GSE1: variants seen among roughly 807,000 people sequenced by gnomAD.
The protein encoded by GSE1 is genetic suppressor element 1.
GSE1 carries 32 observed loss-of-function variants against 112.6 expected under a neutral mutation model. The ratio of observed to expected loss-of-function variants is 0.28; its 90% CI spans 0.21 to 0.38. GSE1 has a LOEUF of 0.38. GSE1 is among the 10% of genes least tolerant of loss of function. The pLI is 1.00. For synonymous variants in GSE1, 1,115 were observed against 735.6 expected (o/e 1.52, Z -8.35); for missense variants, 2,348 against 1,699.2 (o/e 1.38, Z -6.71).
At chr16:85,212,145 C>T (rs1382500251) in intron 1 of GSE1, among the ~76,000 whole-genome samples, 1 of 152,218 alleles carries the variant, frequency 6.6e-6, no homozygotes, top group Admixed American at 6.5e-5. Flanking sequence ...GTGGCTCATG[C>T]CTGGAATCCC....
chr16:85,480,100 C>T (rs1301737770), intron 2 of GSE1, among the ~76,000 whole-genome samples: 2 of 152,322 alleles, frequency 1.3e-5, no homozygotes, highest in Non-Finnish European at 2.9e-5. Context: ...ACAACATCCT[C>T]AACGTCCTGT....
At chr16:85,354,147 C>T (rs2046903933) in intron 1 of GSE1, among the ~76,000 whole-genome samples, 1 of 152,214 alleles carries the variant, frequency 6.6e-6, no homozygotes, top group African/African-American at 2.4e-5. Context: ...CCTTCTCAAA[C>T]TCCTATAGTA....
At position 85,634,082 on chromosome 16, in the gene GSE1, G is replaced by T; in HGVS notation, c.176G>T (p.Ser59Ile). ...ALSAQAAPSSSFAAALRKLAK... is the reference protein window; with the variant it reads ...ALSAQAAPSSIFAAALRKLAK... The stretch of plus-strand genomic sequence containing the variant: ...TCGGCCCAGGCCGCGCCATCCTCCA[G>T]CTTTGCCGCCGCGCTGCGCAAGCTC... Residue 59 changes from serine to isoleucine, a missense_variant, in exon 2 of 16, where the codon AGC becomes ATC. By Grantham distance (142) the Ser-to-Ile change is moderately radical. Transcript: ENST00000253458. The T allele has an allele frequency of 1.3e-6, 2 of 1,599,956 alleles. No individual in the cohort carries two copies. The highest frequency in any genetic ancestry group is 1.7e-6 in the Non-Finnish European group (2 of 1,174,258).
chr16:85,591,121 C>T (rs957387103), intron 1 of GSE1, among the ~76,000 whole-genome samples: 1 of 152,200 alleles, frequency 6.6e-6, no homozygotes, highest in African/African-American at 2.4e-5. Context: ...TACAGACCCC[C>T]TGACATTGGT....
At chr16:85,337,293 T>A (rs933879367) in intron 1 of GSE1, among the ~76,000 whole-genome samples, 2 of 149,590 alleles carry the variant, frequency 1.3e-5, no homozygotes, top group Admixed American at 1.3e-4. Flanking sequence ...GGACTTTTTT[T>A]TTTCTTTTCT....
At chr16:85,218,547 G>C (rs770964495) in intron 1 of GSE1, among the ~76,000 whole-genome samples, 2 of 152,220 alleles carry the variant, frequency 1.3e-5, no homozygotes, top group Non-Finnish European at 2.9e-5. Context: ...CAGTGAACCT[G>C]GGTTTGAGCT....
chr16:85,575,163 A>G (rs1173199943), intron 1 of GSE1, among the ~76,000 whole-genome samples: 1 of 152,166 alleles, frequency 6.6e-6, no homozygotes, highest in Non-Finnish European at 1.5e-5. Context: ...AGGCACGCAC[A>G]GTTTGAAGAA....
At chr16:85,170,467 G>T in exon 1 of GSE1, 2 of 985,592 alleles carry the variant, frequency 2.0e-6, no homozygotes, top group Non-Finnish European at 2.4e-6. Context: ...GACCCTACGG[G>T]GCTTCTGCAC....
intron 2 of GSE1, among the ~76,000 whole-genome samples, chr16:85,525,094 G>C (rs943129212): frequency 3.9e-5 from 6 of 152,200 alleles, no homozygotes; most frequent in African/African-American, 1.4e-4. Context: ...GCTGGCCCGG[G>C]GGGTTTCGCC....
chr16:85,659,064 T>C (rs936549462), intron 8 of GSE1, among the ~76,000 whole-genome samples: 7 of 152,220 alleles, frequency 4.6e-5, no homozygotes, highest in Non-Finnish European at 8.8e-5. Flanking sequence ...ATGAAATATT[T>C]ATTCTCCTGC....
At chr16:85,504,437 G>A (rs1369636356) in intron 2 of GSE1, among the ~76,000 whole-genome samples, 2 of 152,230 alleles carry the variant, frequency 1.3e-5, no homozygotes. Flanking sequence ...CCGCAGAGCG[G>A]TGACAGGGGC....
At chr16:85,468,962 A>G (rs2050204546) in intron 2 of GSE1, among the ~76,000 whole-genome samples, 1 of 152,088 alleles carries the variant, frequency 6.6e-6, no homozygotes, top group Non-Finnish European at 1.5e-5. Context: ...CTTGTATTAA[A>G]GTGGGCCAGA....
chr16:85,589,563 TAAC>T, intron 1 of GSE1, among the ~76,000 whole-genome samples: 2 of 152,286 alleles, frequency 1.3e-5, no homozygotes, highest in East Asian at 1.9e-4. Context: ...TCCAAGTGAA[TAAC>T]ATTTCTGAAG....
chr16:85,186,907 C>A (rs2074714823), intron 1 of GSE1, among the ~76,000 whole-genome samples: 2 of 152,162 alleles, frequency 1.3e-5, no homozygotes, highest in East Asian at 1.9e-4. Context: ...ATCTCACTGA[C>A]CCTGTAAACA....
chr16:85,650,470 C>T (rs547364716), intron 3 of GSE1, among the ~76,000 whole-genome samples: 2 of 152,312 alleles, frequency 1.3e-5, no homozygotes, highest in East Asian at 3.9e-4. Context: ...ACTGCCTTGA[C>T]CCCGACCAGA....
intron 15 of GSE1, chr16:85,672,176 T>G (rs748820275): frequency 1.9e-6 from 1 of 526,854 alleles, no homozygotes; most frequent in Non-Finnish European, 3.6e-6. Flanking sequence ...TTTTTTTGTT[T>G]AGTAGATGGG....
intron 1 of GSE1, among the ~76,000 whole-genome samples, chr16:85,256,832 C>T (rs1332695912): frequency 5.3e-5 from 8 of 152,262 alleles, no homozygotes; most frequent in Non-Finnish European, 1.0e-4. Context: ...TGTCACCACA[C>T]GTGGCCACTT....
At chr16:85,284,925 A>G (rs2044973131) in intron 1 of GSE1, 1 of 152,242 alleles carries the variant, frequency 6.6e-6, no homozygotes, top group African/African-American at 2.4e-5. Flanking sequence ...GAACTTAAAA[A>G]TTAATAAACC....
intron 1 of GSE1, among the ~76,000 whole-genome samples, chr16:85,199,583 C>T (rs931546602): frequency 1.3e-5 from 2 of 152,210 alleles, no homozygotes; most frequent in African/African-American, 2.4e-5. Flanking sequence ...TCCAGGAGGC[C>T]CCTCCGCTGA....
Sources: allele counts gnomAD v4.1 joint callset (sites outside exome capture counted in the v4.1 genomes callset), GRCh38; gene constraint gnomAD v4.1.1; transcripts MANE v1.5; gene names NCBI Gene and HGNC (gene_info 2026-07-23, HGNC 2026-07-21).